Variants in PTPRC observed in about 807,000 individuals in gnomAD.
PTPRC encodes receptor-type tyrosine-protein phosphatase C.
A neutral mutation model predicts 155.9 loss-of-function variants in PTPRC; 44 were observed. The observed-to-expected ratio is 0.28, with a 90% confidence interval of 0.22 to 0.36. The LOEUF is 0.36. PTPRC is among the 10% of genes least tolerant of loss of function. The probability of loss-of-function intolerance (pLI) is 1.00; values close to 1 mark genes in which losing one functional copy is unlikely to be tolerated. For synonymous variants in PTPRC, 525 were observed against 533.1 expected (o/e 0.98, Z 0.21); for missense variants, 1,401 against 1,564.6 (o/e 0.90, Z 1.76).
chr1:198,712,220 T>C (rs1342352855), intron 11 of PTPRC, among the ~76,000 whole-genome samples: 1 of 152,166 alleles, frequency 6.6e-6, no homozygotes, highest in East Asian at 1.9e-4. Flanking sequence ...TTGAGTGCAA[T>C]ATGTTAGGAG....
At chr1:198,656,710 G>A (rs941494957) in intron 2 of PTPRC, among the ~76,000 whole-genome samples, 4 of 145,486 alleles carry the variant, frequency 2.7e-5, no homozygotes, top group African/African-American at 7.7e-5. Flanking sequence ...TTACTGATCT[G>A]TAGTTTTACG....
intron 11 of PTPRC, among the ~76,000 whole-genome samples, chr1:198,710,634 A>G (rs1319372687): frequency 2.0e-5 from 3 of 152,164 alleles, no homozygotes. Flanking sequence ...TTTTCAGTGC[A>G]TTAGTGTTAT....
intron 11 of PTPRC, among the ~76,000 whole-genome samples, chr1:198,710,754 T>C (rs1453414547): frequency 6.6e-6 from 1 of 152,242 alleles, no homozygotes; most frequent in African/African-American, 2.4e-5. Flanking sequence ...GTACAATTGA[T>C]TTTTCTGTAT....
In PTPRC at chr1:198,738,497, G is replaced by A. The variant is rs116588625; in HGVS notation, c.2403+3245G>A. Among the ~76,000 whole-genome samples, 550 of 151,796 alleles carry A rather than the reference G, an allele frequency of 3.6e-3. 6 individuals are homozygous for A. The highest frequency in any genetic ancestry group is 0.012 in the African/African-American group (508 of 41,472). On this transcript the variant is annotated intron_variant, in intron 23 of 32. Transcript: ENST00000442510. Reference sequence around the variant, plus strand: ...CCATCCTTGCATCCCTTGGATAAATGCCACTTGATCAGGATGAATGATCTT... The same window carrying A: ...CCATCCTTGCATCCCTTGGATAAATACCACTTGATCAGGATGAATGATCTT...
At chr1:198,705,331 C>T (rs1386876898) in intron 8 of PTPRC, among the ~76,000 whole-genome samples, 1 of 151,932 alleles carries the variant, frequency 6.6e-6, no homozygotes, top group African/African-American at 2.4e-5. Context: ...TCTCTCCTCC[C>T]GCCTCTTGAA....
chr1:198,712,524 A>G (rs553210975), intron 11 of PTPRC, among the ~76,000 whole-genome samples: 36 of 152,314 alleles, frequency 2.4e-4, no homozygotes, highest in African/African-American at 8.2e-4. Flanking sequence ...AACATTTATC[A>G]GTTTTTCTCA....
chr1:198,703,671 C>G (rs1666584642), intron 7 of PTPRC: 1 of 466,210 alleles, frequency 2.1e-6, no homozygotes, highest in Non-Finnish European at 3.9e-6. Context: ...AAGAACAAGC[C>G]CATCAAAGGG....
chr1:198,639,127 A>G lies in PTPRC; in HGVS notation c.-54A>G. ...GAAATTGTTCCTCGTCTGATAAGAC[A>G]ACAGTGGAGAGTATGCATTTATTTA... On this transcript the variant is annotated 5_prime_UTR_variant, in exon 1 of 33. Transcript: ENST00000442510. The G allele has an allele frequency of 1.4e-6, 1 of 722,656 alleles. No homozygotes were observed. The highest frequency in any genetic ancestry group is 2.7e-5 in the East Asian group (1 of 37,400). The allele number at this position is 722,656 out of a possible 1,614,324, so 44.8% of individuals were successfully genotyped here. A position where few individuals can be genotyped will look rare whatever the true frequency, so the allele number is the denominator to read the frequency against.
rs551553360 is a variant in PTPRC at position 198,702,377 on chromosome 1, C to T, written c.440-10C>T. On this transcript the variant is annotated splice_polypyrimidine_tract_variant and intron_variant, in intron 5 of 32. Transcript: ENST00000442510. Reference sequence around the variant, plus strand: ...ACAAGTGACAGTGCTGATGGCCCTTCTGATTGCAGATGTCCCAGGAGAGAG... The same window carrying T: ...ACAAGTGACAGTGCTGATGGCCCTTTTGATTGCAGATGTCCCAGGAGAGAG... The T allele has an allele frequency of 3.1e-6, 5 of 1,614,220 alleles. No individual in the cohort carries two copies. In the South Asian group the frequency reaches 5.5e-5, roughly 18 times the overall value.
chr1:198,641,094 C>G (rs1326268), intron 2 of PTPRC, among the ~76,000 whole-genome samples: 151,162 of 152,134 alleles, frequency 0.99, 75,106 homozygotes, highest in East Asian at 1. Flanking sequence ...GAAAACTCAA[C>G]TTTATCTTCA....
At position 198,709,221 on chromosome 1, in the gene PTPRC, C is replaced by T. The variant is rs189459732; in HGVS notation, c.1034-466C>T. On this transcript the variant is annotated intron_variant, in intron 10 of 32. Coordinates refer to ENST00000442510, the MANE Select transcript of PTPRC (RefSeq NM_002838.5). Reference sequence around the variant, plus strand: ...GTACTTTTTGAGTGCCAACATGATGCGGCTCAAACAAGTGAAAAATTTTAC... The same window carrying T: ...GTACTTTTTGAGTGCCAACATGATGTGGCTCAAACAAGTGAAAAATTTTAC... Among the ~76,000 whole-genome samples the T allele has an allele frequency of 3.7e-4, 56 of 152,170 alleles. No homozygotes were observed. In the East Asian group the frequency reaches 3.9e-3, roughly 11 times the overall value.
chr1:198,698,632 A>G (rs1666321291), intron 4 of PTPRC, among the ~76,000 whole-genome samples: 1 of 151,972 alleles, frequency 6.6e-6, no homozygotes, highest in Admixed American at 6.6e-5. Context: ...ATGTAATTTT[A>G]TTTTATAAAG....
chr1:198,734,416 A>T lies in PTPRC; in HGVS notation c.2268A>T (p.Glu756Asp). 2 of 1,610,786 alleles carry T rather than the reference A, an allele frequency of 1.2e-6. No individual in the cohort carries two copies. Among genetic ancestry groups the T allele is most frequent in the East Asian group, 4.5e-5 (2 of 44,740 alleles). The change falls in exon 22 of 33, where the codon GAA becomes GAT. Residue 756 changes from glutamate to aspartate, a missense_variant. Glu to Asp is a conservative substitution (Grantham distance 45). Transcript: ENST00000442510. ...TTGTCATGGTCACTCGATGTGAAGAAGGAAACAGGGTAAGAACCAAGAAGA... is the reference window on the plus strand; with the variant it reads ...TTGTCATGGTCACTCGATGTGAAGATGGAAACAGGGTAAGAACCAAGAAGA... ...TVIVMVTRCE[E>D]GNRNKCAEYW...
Position 198,744,162 on chromosome 1 carries a change from G to A in PTPRC, c.2806G>A (p.Asp936Asn). The stretch of plus-strand genomic sequence containing the variant: ...ATATCTACATAACATGAAGAAAAGG[G>A]ATCCACCCAGTGAGCCGTCTCCACT... ...HPYLHNMKKR[D>N]PPSEPSPLEA... The change falls in exon 26 of 33, where the codon GAT becomes AAT. Residue 936 changes from aspartate (D) to asparagine (N), a missense_variant. Asp to Asn is a conservative substitution (Grantham distance 23). This residue lies in a region of PTPRC where 134 missense variants were observed against 204.7 expected (regional missense o/e 0.65). Transcript: ENST00000442510. 1 of 1,606,938 alleles carries A rather than the reference G, an allele frequency of 6.2e-7. No homozygotes were observed. Among genetic ancestry groups the A allele is most frequent in the South Asian group, 1.1e-5 (1 of 90,928 alleles).
At chr1:198,657,112 T>A (rs1663634420) in intron 2 of PTPRC, among the ~76,000 whole-genome samples, 1 of 151,740 alleles carries the variant, frequency 6.6e-6, no homozygotes, top group Non-Finnish European at 1.5e-5. Flanking sequence ...ATATTTTGAT[T>A]TACCTCTTTC....
chr1:198,748,035 G>A, intron 26 of PTPRC, 74 bp from the exon 27 acceptor site: 1 of 1,531,124 alleles, frequency 6.5e-7, no homozygotes, highest in Non-Finnish European at 8.8e-7. Context: ...CTTTTCCTTA[G>A]GGAGCATCTT....
intron 25 of PTPRC, among the ~76,000 whole-genome samples, chr1:198,743,761 T>C (rs1655018717): frequency 6.6e-6 from 1 of 151,884 alleles, no homozygotes; most frequent in Non-Finnish European, 1.5e-5. Flanking sequence ...GGAAGTAACA[T>C]ACAATGTTCT....
At chr1:198,705,651 C>T (rs181586862) in intron 8 of PTPRC, among the ~76,000 whole-genome samples, 96 of 152,010 alleles carry the variant, frequency 6.3e-4, no homozygotes, top group Non-Finnish European at 1.2e-3. Flanking sequence ...GAACTCCTGA[C>T]CTCAGGTGAT....
At chr1:198,689,703 A>G (rs1382518542) in intron 2 of PTPRC, among the ~76,000 whole-genome samples, 1 of 152,162 alleles carries the variant, frequency 6.6e-6, no homozygotes, top group African/African-American at 2.4e-5. Context: ...GCACTTACTC[A>G]TGCTTAAAAG....
Sources: gnomAD v4.1 joint callset for allele counts (sites outside exome capture counted in the v4.1 genomes callset) on GRCh38, gnomAD v4.1.1 for gene constraint, gnomAD v4.1.1 regional missense constraint, MANE v1.5 for transcripts, NCBI Gene and HGNC (gene_info 2026-07-23, HGNC 2026-07-21) for gene names.